The following TRAF3IP1 variants were observed in gnomAD, a reference collection of about 807,000 sequenced individuals.
The protein encoded by TRAF3IP1 is intraflagellar transport 54, also known as TRAF3-interacting protein 1.
A neutral mutation model predicts 89.9 loss-of-function variants in TRAF3IP1; 53 were observed. The observed-to-expected ratio is 0.59, with a 90% CI of 0.47 to 0.74. TRAF3IP1 has a LOEUF of 0.74. TRAF3IP1 is among the 30% of genes least tolerant of loss of function. The pLI, the probability that TRAF3IP1 is intolerant of heterozygous loss-of-function variation, is 0.00. For synonymous variants in TRAF3IP1, 311 were observed against 322.1 expected, an observed-to-expected ratio of 0.97 and a Z score of 0.37; for missense variants, 806 against 866.1, an observed-to-expected ratio of 0.93 and a Z score of 0.87.
intron 8 of TRAF3IP1, among the ~76,000 whole-genome samples, chr2:238,339,451 G>A (rs968239997): frequency 2.6e-5 from 4 of 152,190 alleles, no homozygotes; most frequent in African/African-American, 7.2e-5. Flanking sequence ...ATCTCCAGGC[G>A]CCTGGGGGGA....
At chr2:238,388,375 A>AAG in intron 15 of TRAF3IP1, among the ~76,000 whole-genome samples, 1 of 25,946 alleles carries the variant, frequency 3.9e-5, no homozygotes, top group Non-Finnish European at 1.6e-4. Context: ...ACCCTGTCTC[A>AAG]AAAAAAAAAA....
At chr2:238,349,772 C>G (rs527913048) in intron 12 of TRAF3IP1, among the ~76,000 whole-genome samples, 6 of 152,112 alleles carry the variant, frequency 3.9e-5, no homozygotes, top group Non-Finnish European at 7.4e-5. Flanking sequence ...AGAAGGTGAT[C>G]AAAATGTTAT....
At chr2:238,385,586 G>A (rs1700735676) in intron 15 of TRAF3IP1, among the ~76,000 whole-genome samples, 1 of 152,180 alleles carries the variant, frequency 6.6e-6, no homozygotes, top group Admixed American at 6.5e-5. Context: ...AACAAGGGTG[G>A]GTACCATGAC....
In TRAF3IP1 at chr2:238,351,316, G is replaced by A. The variant is rs910277306; in HGVS notation, c.1452-1511G>A. On this transcript the variant is annotated intron_variant, in intron 12 of 16. Transcript: ENST00000373327. The surrounding 1 kb of genome is among the most constrained non-coding windows in gnomAD (Gnocchi z 5.2). The stretch of plus-strand genomic sequence containing the variant: ...CCAGGAGGACTGGGTGGGACCATGG[G>A]TTGGCAGCTGATGGCAGCAATGATG... Among the ~76,000 whole-genome samples, 3 of 152,006 alleles carry A rather than the reference G, an allele frequency of 2.0e-5. No homozygotes were observed.
At chr2:238,389,729 C>T (rs1183762629) in intron 15 of TRAF3IP1, among the ~76,000 whole-genome samples, 2 of 147,366 alleles carry the variant, frequency 1.4e-5, no homozygotes, top group Non-Finnish European at 1.5e-5. Flanking sequence ...GCCTGGGTGA[C>T]AGAGTGAGAC....
chr2:238,389,134 C>T lies in TRAF3IP1; in HGVS notation c.1690-8325C>T, dbSNP rs890586035. On this transcript the variant is annotated intron_variant, in intron 15 of 16. Transcript: ENST00000373327. ...GTGGCTGAGCAGTCACATCCAGCAG[C>T]GGGGCAGGGCAGCGGTCAGAGGCCT... Among the ~76,000 whole-genome samples the T allele has an allele frequency of 3.3e-5, 5 of 152,146 alleles. No individual in the cohort carries two copies. The East Asian group carries it at 5.8e-4, about 18-fold the overall frequency.
At chr2:238,353,404 C>T (rs974013554) in intron 14 of TRAF3IP1, among the ~76,000 whole-genome samples, 195 bp downstream of exon 14, 3 of 152,176 alleles carry the variant, frequency 2.0e-5, no homozygotes, top group African/African-American at 7.2e-5. Flanking sequence ...GGCTGCTGCT[C>T]CCCATCCTTA....
rs1352762312 is a variant in TRAF3IP1 at position 238,362,957 on chromosome 2, CT to C, written c.1689+6878del. On this transcript the variant is annotated intron_variant, in intron 15 of 16. Coordinates refer to ENST00000373327, the MANE Select transcript of TRAF3IP1 (RefSeq NM_015650.4). ...CAGCTGTCTCTTCCACAATGTTTCTCTAGGAAATTGTTTATTTCATTCATGT... is the reference window on the plus strand; with the variant it reads ...CAGCTGTCTCTTCCACAATGTTTCTCAGGAAATTGTTTATTTCATTCATGT... 2.6e-5 allele frequency among the ~76,000 whole-genome samples: 4 copies of C among 152,310 alleles called. No individual in the cohort carries two copies. The East Asian group carries it at 7.7e-4, about 29-fold the overall frequency.
chr2:238,385,832 T>C (rs534625340), intron 15 of TRAF3IP1, among the ~76,000 whole-genome samples: 1 of 152,222 alleles, frequency 6.6e-6, no homozygotes, highest in East Asian at 1.9e-4. Context: ...CTGGCCTTCT[T>C]GCACCGCTGT....
chr2:238,348,634 T>C (rs1164513108), intron 10 of TRAF3IP1, 130 bp from the exon 11 acceptor site: 2 of 715,838 alleles, frequency 2.8e-6, no homozygotes, highest in Non-Finnish European at 4.6e-6. Context: ...GAAAAATTGC[T>C]CATTTGTATT....
intron 15 of TRAF3IP1, among the ~76,000 whole-genome samples, chr2:238,369,793 C>T (rs933666081): frequency 3.3e-5 from 5 of 152,138 alleles, no homozygotes; most frequent in African/African-American, 1.2e-4. Context: ...TTTGTACAAT[C>T]GAAGTACCCT....
At chr2:238,321,550 T>G (rs1003469848) in intron 1 of TRAF3IP1, among the ~76,000 whole-genome samples, 1 of 152,164 alleles carries the variant, frequency 6.6e-6, no homozygotes, top group African/African-American at 2.4e-5. Flanking sequence ...CACTTGCGGA[T>G]GGTGTGCTCC....
chr2:238,371,981 A>C (rs1362877651), intron 15 of TRAF3IP1, among the ~76,000 whole-genome samples: 1 of 152,250 alleles, frequency 6.6e-6, no homozygotes, highest in African/African-American at 2.4e-5. Flanking sequence ...GTATAACTAC[A>C]GAATTGAATG....
In TRAF3IP1 at chr2:238,398,759, C is replaced by T; in HGVS notation, c.1916C>T (p.Thr639Ile). 6.3e-7 allele frequency: 1 copy of T among 1,594,772 alleles called. No individual in the cohort carries two copies. The highest frequency in any genetic ancestry group is 8.5e-7 in the Non-Finnish European group (1 of 1,174,724). The change falls in exon 17 of 17, where the codon ACA becomes ATA. Residue 639 changes from threonine (T) to isoleucine (I), a missense_variant. Physicochemically the swap from Thr to Ile is moderately conservative, Grantham distance 89. Around this residue, in one of 3 missense-constraint regions of TRAF3IP1, gnomAD observed 70 missense variants for 67.8 expected, o/e 1.03. Coordinates refer to ENST00000373327, the MANE Select transcript of TRAF3IP1 (RefSeq NM_015650.4). ...CTGGTTTTGTTCTCCCTCAGGATCA[C>T]AGACTGTGCCGTGGAGCCCTTAAAG... ...AEALQQEQRI[T>I]DCAVEPLKAE...
intron 5 of TRAF3IP1, among the ~76,000 whole-genome samples, chr2:238,329,794 T>C (rs1698030930): frequency 6.6e-6 from 1 of 152,212 alleles, no homozygotes; most frequent in African/African-American, 2.4e-5. Context: ...GTGATGGGCT[T>C]TTCAGATCAT....
chr2:238,381,953 C>CA (rs1423169598), intron 15 of TRAF3IP1, among the ~76,000 whole-genome samples: 1 of 152,186 alleles, frequency 6.6e-6, no homozygotes, highest in South Asian at 2.1e-4. Context: ...CGCGCTGAGT[C>CA]AAGGAGGGAC....
intron 15 of TRAF3IP1, among the ~76,000 whole-genome samples, chr2:238,394,195 C>CA (rs1383531272): frequency 5.3e-5 from 8 of 151,696 alleles, no homozygotes; most frequent in East Asian, 1.9e-4. Context: ...GACTCCGTTT[C>CA]AAAAAAAAGC....
chr2:238,321,109 G>C (rs941160393), intron 1 of TRAF3IP1, among the ~76,000 whole-genome samples: 23 of 152,206 alleles, frequency 1.5e-4, no homozygotes, highest in Non-Finnish European at 2.8e-4. Context: ...CCAATTCCGC[G>C]GCGCCCTCCG....
At chr2:238,323,055 C>T (rs1437004705) in intron 1 of TRAF3IP1, among the ~76,000 whole-genome samples, 10 of 151,020 alleles carry the variant, frequency 6.6e-5, no homozygotes, top group Non-Finnish European at 7.4e-5. Flanking sequence ...GTTAATGTCT[C>T]TTGTCACTTA....
Sources: allele counts gnomAD v4.1 joint callset (sites outside exome capture counted in the v4.1 genomes callset), GRCh38; gene constraint gnomAD v4.1.1; regional missense constraint gnomAD v4.1.1; non-coding constraint Gnocchi (gnomAD v3.1); transcripts MANE v1.5; gene names NCBI Gene and HGNC (gene_info 2026-07-23, HGNC 2026-07-21).